BNIP1: variants seen among roughly 807,000 people sequenced by gnomAD.
The protein encoded by BNIP1 is vesicle transport protein SEC20.
In BNIP1, 25 loss-of-function variants were observed where a neutral mutation model predicts 28.5. The ratio of observed to expected loss-of-function variants is 0.88; its 90% confidence interval spans 0.64 to 1.23. The LOEUF (loss-of-function observed/expected upper bound fraction) is 1.23. BNIP1 is among the 50% of genes most tolerant of loss of function. The probability of loss-of-function intolerance (pLI) is 0.00; values close to 1 mark genes in which losing one functional copy is unlikely to be tolerated. For missense variants in BNIP1, 276 were observed against 277.0 expected (o/e 1.00, Z 0.02); for synonymous variants, 118 against 101.7 (o/e 1.16, Z -0.96).
chr5:173,145,051 C>T (rs1759794015), intron 1 of BNIP1: 2 of 163,822 alleles, frequency 1.2e-5, no homozygotes, highest in Non-Finnish European at 2.7e-5. Context: ...TGCTGGCCAG[C>T]TCTCCTGGCA....
At position 173,163,942 on chromosome 5, in the gene BNIP1, T is replaced by C. The variant is rs1251073584; in HGVS notation, c.*21T>C. ...TGTGAGATCCCAAAGGTGCCAGTTCTGGCCCTTTCAGCTCCTGTTTCAGGA... is the reference window on the plus strand; with the variant it reads ...TGTGAGATCCCAAAGGTGCCAGTTCCGGCCCTTTCAGCTCCTGTTTCAGGA... On this transcript the variant is annotated 3_prime_UTR_variant, in exon 6 of 6. Transcript: ENST00000351486. The C allele has an allele frequency of 1.9e-6, 3 of 1,572,036 alleles. No individual in the cohort carries two copies. In the African/African-American group the frequency reaches 4.1e-5, roughly 21 times the overall value.
chr5:173,154,465 TGTGAGCCTTGCAC>T, intron 3 of BNIP1, 52 bp downstream of exon 3: 1 of 1,443,982 alleles, frequency 6.9e-7, no homozygotes, highest in South Asian at 1.2e-5. Flanking sequence ...TCTTGTTGCC[TGTGAGCCTTGCAC>T]GTGTGTTTGC....
At position 173,163,863 on chromosome 5, in the gene BNIP1, C is replaced by T; in HGVS notation, c.629C>T (p.Ala210Val). The change falls in exon 6 of 6, where the codon GCC becomes GTC. Residue 210 changes from alanine to valine, a missense_variant. Coordinates refer to ENST00000351486, the MANE Select transcript of BNIP1 (RefSeq NM_001205.3). ...AAGCTTCTCATCTTCCTTGCGCTAG[C>T]CCTGTTTCTTGCTACGGTCCTCTAT... ...TDKLLIFLAL[A>V]LFLATVLYIV... The T allele has an allele frequency of 6.2e-7, 1 of 1,613,950 alleles. No homozygotes were observed. The highest frequency in any genetic ancestry group is 2.2e-5 in the East Asian group (1 of 44,884).
rs1173336773 is a variant in BNIP1, at chr5:173,157,926, GT to G, written c.270-803del. Among the ~76,000 whole-genome samples, 794 of 138,192 alleles carry G rather than the reference GT, an allele frequency of 5.7e-3. 5 individuals carry two copies. Among genetic ancestry groups the G allele is most frequent in the South Asian group, 0.021 (93 of 4,398 alleles). 90.7% of individuals were successfully genotyped at this position (138,192 alleles called of 152,430 possible). On this transcript the variant is annotated intron_variant, in intron 3 of 5. Transcript: ENST00000351486. Reference sequence around the variant, plus strand: ...ATTGGCTTTTTGTGTGTGTGTGTGTGTTTTTTTTTTTTTTTCTTGAGAGAAG... The same window carrying G: ...ATTGGCTTTTTGTGTGTGTGTGTGTGTTTTTTTTTTTTTTCTTGAGAGAAG...
At chr5:173,148,759 A>ATTC (rs3028822) in intron 2 of BNIP1, among the ~76,000 whole-genome samples, 74,450 of 151,252 alleles carry the variant, frequency 0.49, 19,353 homozygotes, top group Non-Finnish European at 0.59. Context: ...ATTGTTCATG[A>ATTC]TTCTTCTTCA....
intron 5 of BNIP1, chr5:173,161,104 A>AT (rs1760350107): frequency 3.8e-6 from 1 of 263,214 alleles, no homozygotes; most frequent in South Asian, 4.2e-5. Flanking sequence ...CCCTCAGCCC[A>AT]TCCCCCATCT....
chr5:173,146,945 G>T lies in BNIP1; in HGVS notation c.164G>T (p.Arg55Leu), dbSNP rs144179275. 552 of 1,613,026 alleles carry T rather than the reference G, an allele frequency of 3.4e-4. No homozygotes were observed. Among genetic ancestry groups the T allele is most frequent in the Non-Finnish European group, 4.6e-4 (543 of 1,179,168 alleles). Reference protein sequence around the residue: ...TKVKEKFQQLRHRIQDLEQLA... With the variant: ...TKVKEKFQQLLHRIQDLEQLA... ...GTAAAAGAGAAATTTCAACAGTTGC[G>T]TCACAGAATACAGGTGGGTATTCTC... Residue 55 changes from arginine to leucine, a missense_variant, in exon 2 of 6, where the codon CGT becomes CTT. Coordinates refer to ENST00000351486, the MANE Select transcript of BNIP1 (RefSeq NM_001205.3).
chr5:173,160,489 C>T (rs1214420074), intron 5 of BNIP1, among the ~76,000 whole-genome samples: 1 of 152,208 alleles, frequency 6.6e-6, no homozygotes, highest in Non-Finnish European at 1.5e-5. Context: ...CTGCCTCAGC[C>T]TCCCAAAGTG....
At chr5:173,149,135 C>T (rs1759946024) in intron 2 of BNIP1, among the ~76,000 whole-genome samples, 1 of 152,116 alleles carries the variant, frequency 6.6e-6, no homozygotes, top group East Asian at 1.9e-4. Flanking sequence ...GGAGATGTTT[C>T]CCCTGCTGTA....
rs552249444 is a variant in BNIP1, at chr5:173,151,765, T to C, written c.178-2557T>C. 422 of 1,600,048 alleles carry C rather than the reference T, an allele frequency of 2.6e-4. 1 individual carries two copies. Among genetic ancestry groups the C allele is most frequent in the Non-Finnish European group, 3.3e-4 (382 of 1,174,182 alleles). ...TGTTTATTTCCTTCACTCATTAAAATGACCTCACCAATACGTGTACATTTA... is the reference window on the plus strand; with the variant it reads ...TGTTTATTTCCTTCACTCATTAAAACGACCTCACCAATACGTGTACATTTA... On this transcript the variant is annotated intron_variant, in intron 2 of 5. Coordinates refer to ENST00000351486, the MANE Select transcript of BNIP1 (RefSeq NM_001205.3).
chr5:173,148,083 A>AAAAAATAT (rs1759906154), intron 2 of BNIP1, among the ~76,000 whole-genome samples: 1 of 40,300 alleles, frequency 2.5e-5, no homozygotes, highest in Non-Finnish European at 3.9e-5. Context: ...AAAAAAAAAA[A>AAAAAATAT]ATATATATAT....
intron 2 of BNIP1, among the ~76,000 whole-genome samples, chr5:173,149,057 C>A (rs989995695): frequency 4.6e-5 from 7 of 152,110 alleles, no homozygotes; most frequent in Non-Finnish European, 1.0e-4. Flanking sequence ...CAGGAGGTAC[C>A]TGAGTGTGGA....
Position 173,164,010 on chromosome 5 carries a change from A to G in BNIP1, c.*89A>G. The G allele has an allele frequency of 7.5e-7, 1 of 1,329,000 alleles. No homozygotes were observed. Among genetic ancestry groups the G allele is most frequent in the South Asian group, 1.7e-5 (1 of 57,900 alleles). The allele number at this position is 1,329,000 out of a possible 1,614,324, so 82.3% of individuals were successfully genotyped here. ...GCTCTAGGCTGCTAAGCTGAGCCAC[A>G]CACCCCTCCGTTTGCACCAGTTGCC... On this transcript the variant is annotated 3_prime_UTR_variant, in exon 6 of 6. Coordinates refer to ENST00000351486, the MANE Select transcript of BNIP1 (RefSeq NM_001205.3). The surrounding 1 kb of genome is among the most constrained non-coding windows in gnomAD (Gnocchi z 4.0).
At position 173,160,017 on chromosome 5, in the gene BNIP1, G is replaced by A. The variant is rs144912663; in HGVS notation, c.456G>A (p.Gln152=). The change falls in exon 5 of 6, where the codon CAG becomes CAA. Residue 152 remains glutamine (Q), a synonymous_variant. Transcript: ENST00000351486. ...GGATCAGCAGGATGATGGCCCAGCA[G>A]GTCCAGCAGAGCGAGGAGGCCATGC... ...LMGISRMMAQ[Q]VQQSEEAMQS... is the part of the protein sequence containing the mutation. 2.2e-4 allele frequency: 361 copies of A among 1,614,114 alleles called. 9 individuals are homozygous for A. In the Middle Eastern group the frequency reaches 4.1e-3, roughly 18 times the overall value.
In BNIP1 at chr5:173,151,606, C is replaced by A. The variant is rs1185518569; in HGVS notation, c.178-2716C>A. The A allele has an allele frequency of 2.5e-6, 4 of 1,612,102 alleles. No homozygotes were observed. In the African/African-American group the frequency reaches 5.4e-5, roughly 22 times the overall value. The stretch of plus-strand genomic sequence containing the variant: ...AGGGCATTTATTTGGACTGCTTCCA[C>A]ATTTTTTTTTAAGCTAACTTATTCC... On this transcript the variant is annotated intron_variant, in intron 2 of 5. Coordinates refer to ENST00000351486, the MANE Select transcript of BNIP1 (RefSeq NM_001205.3).
At chr5:173,158,593 G>A (rs1181921606) in intron 3 of BNIP1, 151 bp from the exon 4 acceptor site, 2 of 620,466 alleles carry the variant, frequency 3.2e-6, no homozygotes, top group Non-Finnish European at 5.7e-6. Flanking sequence ...GGGGAACCAG[G>A]AGGCGGAAGT....
intron 3 of BNIP1, among the ~76,000 whole-genome samples, chr5:173,157,279 C>T (rs5745151): frequency 0.01 from 1,545 of 152,260 alleles, 34 homozygotes; most frequent in African/African-American, 0.035. Context: ...AGTTCATGTA[C>T]TCTGTGTTTT....
chr5:173,150,011 A>T (rs1759971168), intron 2 of BNIP1, among the ~76,000 whole-genome samples: 1 of 152,186 alleles, frequency 6.6e-6, no homozygotes, highest in Non-Finnish European at 1.5e-5. Context: ...TAATCCCAGC[A>T]CTTTGGGAGG....
chr5:173,161,380 C>T lies in BNIP1; in HGVS notation c.490+1329C>T, dbSNP rs539525771. ...TGGGCTCGGAACCAGCCAGGGGCTTCCTCTCAGCGTGTGCTGTGGGAGAGG... is the reference window on the plus strand; with the variant it reads ...TGGGCTCGGAACCAGCCAGGGGCTTTCTCTCAGCGTGTGCTGTGGGAGAGG... On this transcript the variant is annotated intron_variant, in intron 5 of 5. Transcript: ENST00000351486. The T allele has an allele frequency of 3.3e-5, 5 of 152,900 alleles. No homozygotes were observed. The East Asian group carries it at 9.6e-4, about 29-fold the overall frequency. 9.5% of individuals were successfully genotyped at this position (152,900 alleles called of 1,614,324 possible). A position where few individuals can be genotyped will look rare whatever the true frequency, so the allele number is the denominator to read the frequency against.
Sources: allele counts gnomAD v4.1 joint callset (sites outside exome capture counted in the v4.1 genomes callset), GRCh38; gene constraint gnomAD v4.1.1; non-coding constraint Gnocchi (gnomAD v3.1); transcripts MANE v1.5; gene names NCBI Gene and HGNC (gene_info 2026-07-23, HGNC 2026-07-21).